The following TOR1AIP2 variants were observed in gnomAD, a reference collection of about 807,000 sequenced individuals.
The protein encoded by TOR1AIP2 is torsin-1A-interacting protein 2.
In TOR1AIP2, 20 loss-of-function variants were observed where a neutral mutation model predicts 32.6. That is an observed-to-expected ratio of 0.61 (90% CI 0.43 to 0.89). The LOEUF is 0.89. TOR1AIP2 is among the 40% of genes least tolerant of loss of function. The pLI is 0.00. For missense variants in TOR1AIP2, 456 were observed against 553.8 expected, an observed-to-expected ratio of 0.82 and a Z score of 1.77; for synonymous variants, 214 against 210.8, an observed-to-expected ratio of 1.02 and a Z score of -0.13.
rs1460993738 is a variant in TOR1AIP2 at position 179,843,198 on chromosome 1, C to T, written c.*2873G>A. On this transcript the variant is annotated 3_prime_UTR_variant, in exon 7 of 7. Coordinates refer to ENST00000609928, the MANE Select transcript of TOR1AIP2 (RefSeq NM_001199260.2). ...CATGAGAAGACCCAGAGCTAATATACTGCTTCTTTTAAAAATGATTTTTGA... is the reference window on the plus strand; with the variant it reads ...CATGAGAAGACCCAGAGCTAATATATTGCTTCTTTTAAAAATGATTTTTGA... The T allele has an allele frequency of 6.6e-6, 1 of 151,954 alleles. No individual in the cohort carries two copies. The highest frequency in any genetic ancestry group is 1.9e-4 in the East Asian group (1 of 5,150). 9.4% of individuals were successfully genotyped at this position (151,954 alleles called of 1,614,324 possible).
chr1:179,856,627 T>C (rs915085322), intron 3 of TOR1AIP2, among the ~76,000 whole-genome samples: 17 of 152,204 alleles, frequency 1.1e-4, no homozygotes, highest in Admixed American at 4.6e-4. Flanking sequence ...CAATCTTTTT[T>C]TCCCCCCCAA....
chr1:179,848,765 T>G (rs149981285), intron 5 of TOR1AIP2, among the ~76,000 whole-genome samples: 69 of 152,254 alleles, frequency 4.5e-4, no homozygotes, highest in African/African-American at 1.6e-3. Context: ...GGACACCTAC[T>G]CCGGCCCCAT....
chr1:179,860,028 G>A (rs1696458006), intron 3 of TOR1AIP2: 2 of 727,940 alleles, frequency 2.7e-6, no homozygotes, highest in Non-Finnish European at 1.7e-6. Context: ...AAACTTTTTT[G>A]TAGAGTTGGG....
At chr1:179,849,785 T>C (rs960757432) in intron 5 of TOR1AIP2, among the ~76,000 whole-genome samples, 2 of 152,242 alleles carry the variant, frequency 1.3e-5, no homozygotes, top group African/African-American at 4.8e-5. Context: ...ACGCAGGTCA[T>C]GGTCCTTACA....
Position 179,851,199 on chromosome 1 carries a change from C to T in TOR1AIP2, c.199G>A (p.Gly67Ser), listed in dbSNP as rs780574843. The change falls in exon 5 of 7, where the codon GGT (glycine) becomes AGT (serine). Residue 67 changes from glycine (G) to serine (S), a missense_variant. Transcript: ENST00000609928. ...TCATCTGGACTTTCTGATTTATCAC[C>T]TGTATCTGCACTTTCTGGACCTTCT... ...ETEGPESADT[G>S]DKSESPDEAN... 1 of 1,613,998 alleles carries T rather than the reference C, an allele frequency of 6.2e-7. No individual in the cohort carries two copies. The highest frequency in any genetic ancestry group is 1.1e-5 in the South Asian group (1 of 91,076).
At chr1:179,866,524 T>C (rs758287405) in intron 2 of TOR1AIP2, among the ~76,000 whole-genome samples, 1 of 152,196 alleles carries the variant, frequency 6.6e-6, no homozygotes, top group Non-Finnish European at 1.5e-5. Flanking sequence ...GCGATTCTCC[T>C]GCTTCAGCCT....
intron 2 of TOR1AIP2, among the ~76,000 whole-genome samples, chr1:179,876,411 C>T (rs1054252535): frequency 6.6e-6 from 1 of 152,116 alleles, no homozygotes; most frequent in Non-Finnish European, 1.5e-5. Context: ...AAATGAGTCA[C>T]GCAAGGTTGC....
Position 179,841,159 on chromosome 1 carries a change from A to AT in TOR1AIP2, c.*4911dup, listed in dbSNP as rs1695707895. The AT allele has an allele frequency of 6.6e-6, 1 of 152,210 alleles. No individual in the cohort carries two copies. Among genetic ancestry groups the AT allele is most frequent in the African/African-American group, 2.4e-5 (1 of 41,458 alleles). The allele number at this position is 152,210 out of a possible 1,614,324, so 9.4% of individuals were successfully genotyped here. A position where few individuals can be genotyped will look rare whatever the true frequency, so the allele number is the denominator to read the frequency against. Reference sequence around the variant, plus strand: ...TTGCAAATATATTATTCAACCAAGCATTTGCCATAAAGATAAGCATCAACT... The same window carrying AT: ...TTGCAAATATATTATTCAACCAAGCATTTTGCCATAAAGATAAGCATCAACT... On this transcript the variant is annotated 3_prime_UTR_variant, in exon 7 of 7. Transcript: ENST00000609928.
intron 3 of TOR1AIP2, chr1:179,861,930 G>A: frequency 5.2e-6 from 5 of 969,296 alleles, no homozygotes; most frequent in Non-Finnish European, 6.1e-6. Context: ...GAACTCCTGG[G>A]CTCAAGTGAT....
At chr1:179,848,859 A>G (rs986005178) in intron 5 of TOR1AIP2, among the ~76,000 whole-genome samples, 16 of 152,162 alleles carry the variant, frequency 1.1e-4, no homozygotes, top group Admixed American at 7.2e-4. Context: ...GGCTGGGCGC[A>G]GTGGCTCACG....
rs751823108 is a variant in TOR1AIP2 at position 179,846,277 on chromosome 1, C to T, written c.1207G>A (p.Glu403Lys). 1.2e-6 allele frequency: 2 copies of T among 1,614,074 alleles called. No individual in the cohort carries two copies. The highest frequency in any genetic ancestry group is 1.3e-5 in the African/African-American group (1 of 74,922). The part of the protein sequence containing the change: ...ALVLTVLLEE[E>K]TLEASVGPRE... ...GGGCCTACACTTGCTTCTAATGTTT[C>T]CTCCTCTAGCAGAACAGTCAGGACC... Residue 403 changes from glutamate to lysine, a missense_variant, in exon 7 of 7, where the codon GAA becomes AAA. By Grantham distance (56) the Glu-to-Lys change is moderately conservative. Transcript: ENST00000609928.
In TOR1AIP2 at chr1:179,843,083, T is replaced by C. The variant is rs1197697807; in HGVS notation, c.*2988A>G. 1.4e-5 allele frequency: 2 copies of C among 141,336 alleles called. No homozygotes were observed. Among genetic ancestry groups the C allele is most frequent in the East Asian group, 2.1e-4 (1 of 4,736 alleles). 8.8% of individuals were successfully genotyped at this position (141,336 alleles called of 1,614,324 possible). A position where few individuals can be genotyped will look rare whatever the true frequency, so the allele number is the denominator to read the frequency against. On this transcript the variant is annotated 3_prime_UTR_variant, in exon 7 of 7. Transcript: ENST00000609928. ...AAAAAAAAAAAAAGTATAGAACAAA[T>C]AGAAATTAACCTAATACATTAGATA...
Position 179,846,762 on chromosome 1 carries a change from G to A in TOR1AIP2, c.722C>T (p.Ser241Phe). The change falls in exon 7 of 7, where the codon TCT becomes TTT. Residue 241 changes from serine to phenylalanine, a missense_variant. By Grantham distance (155) the Ser-to-Phe change is radical (BLOSUM62 -2). Transcript: ENST00000609928. ...VASSVNSYYS[S>F]PAQQVPKNPA... ...ATTTTTGGGCACTTGCTGGGCTGGA[G>A]AGGAATAGTAGCTATTCACAGAACT... is the stretch of plus-strand genomic sequence containing the variant. The A allele has an allele frequency of 6.2e-7, 1 of 1,613,764 alleles. No homozygotes were observed.
chr1:179,862,383 T>C (rs1696576685), intron 3 of TOR1AIP2: 1 of 985,226 alleles, frequency 1.0e-6, no homozygotes. Flanking sequence ...GGAGGAGTTG[T>C]AGGATAGTGA....
chr1:179,853,420 T>C (rs754550574), intron 3 of TOR1AIP2, among the ~76,000 whole-genome samples: 11 of 152,206 alleles, frequency 7.2e-5, no homozygotes, highest in Non-Finnish European at 1.3e-4. Flanking sequence ...AAGAAAATTA[T>C]TAAGGTTTAC....
At chr1:179,861,033 T>C (rs1459712168) in intron 3 of TOR1AIP2, 17 of 985,366 alleles carry the variant, frequency 1.7e-5, no homozygotes, top group Non-Finnish European at 1.9e-5. Context: ...ATGTATTTTC[T>C]TTCCGGTCTG....
rs191322506 is a variant in TOR1AIP2, at chr1:179,868,135, A to C, written c.-565-2281T>G. 2.6e-5 allele frequency: 4 copies of C among 152,290 alleles called. No homozygotes were observed. The East Asian group carries it at 7.7e-4, about 29-fold the overall frequency. The allele number at this position is 152,290 out of a possible 1,614,324, so 9.4% of individuals were successfully genotyped here. A position where few individuals can be genotyped will look rare whatever the true frequency, so the allele number is the denominator to read the frequency against. On this transcript the variant is annotated intron_variant, in intron 2 of 6. Coordinates refer to ENST00000609928, the MANE Select transcript of TOR1AIP2 (RefSeq NM_001199260.2). ...AAGCATCAGGACCAATCTCATACCT[A>C]TATCTCTGTTCATGTCAATCACCAC...
chr1:179,853,564 A>G (rs913068190), intron 3 of TOR1AIP2, among the ~76,000 whole-genome samples: 8 of 152,332 alleles, frequency 5.3e-5, no homozygotes, highest in South Asian at 4.1e-4. Flanking sequence ...GAGAATAATG[A>G]TATCTATGAG....
rs1401961834 is a variant in TOR1AIP2, at chr1:179,842,600, G to A, written c.*3471C>T. On this transcript the variant is annotated 3_prime_UTR_variant, in exon 7 of 7. Transcript: ENST00000609928. ...TATATTAATATACAGTGTAATGAAA[G>A]TTGTTCTGTAAGAGTAACTAAATGG... 1 of 152,144 alleles carries A rather than the reference G, an allele frequency of 6.6e-6. No individual in the cohort carries two copies. Among genetic ancestry groups the A allele is most frequent in the Non-Finnish European group, 1.5e-5 (1 of 68,026 alleles). 9.4% of individuals were successfully genotyped at this position (152,144 alleles called of 1,614,324 possible).
Sources: allele counts gnomAD v4.1 joint callset (sites outside exome capture counted in the v4.1 genomes callset), GRCh38; gene constraint gnomAD v4.1.1; transcripts MANE v1.5; gene names NCBI Gene and HGNC (gene_info 2026-07-23, HGNC 2026-07-21).